Variants in CDH18 observed in about 807,000 individuals in gnomAD.
The protein encoded by CDH18 is cadherin-18.
A neutral mutation model predicts 67.9 loss-of-function variants in CDH18; 31 were observed. The ratio of observed to expected loss-of-function variants is 0.46; its 90% CI spans 0.34 to 0.62. The LOEUF (loss-of-function observed/expected upper bound fraction) is 0.62. Among genes scored for constraint, CDH18 ranks in the 20% least tolerant of loss-of-function variants. The pLI is 0.01. For missense variants in CDH18, 890 were observed against 975.5 expected (o/e 0.91, Z 1.17); for synonymous variants, 362 against 347.2 (o/e 1.04, Z -0.48).
chr5:20,242,620 A>ACATATATATATACATG (rs1554106663), intron 2 of CDH18, among the ~76,000 whole-genome samples: 2 of 68,878 alleles, frequency 2.9e-5, no homozygotes, highest in African/African-American at 1.3e-4. Context: ...AAATATATAT[A>ACATATATATATACATG]TATATATATA....
intron 2 of CDH18, among the ~76,000 whole-genome samples, chr5:20,168,742 G>A (rs536343557): frequency 6.6e-6 from 1 of 152,080 alleles, no homozygotes; most frequent in Non-Finnish European, 1.5e-5. Context: ...AGCAACCTAA[G>A]TGTCCATCAA....
chr5:20,169,943 A>C (rs1736566389), intron 2 of CDH18, among the ~76,000 whole-genome samples: 1 of 152,082 alleles, frequency 6.6e-6, no homozygotes, highest in Non-Finnish European at 1.5e-5. Flanking sequence ...CTTCAATTTC[A>C]GTATTAAACA....
chr5:20,549,701 A>G (rs1757530293), intron 1 of CDH18, among the ~76,000 whole-genome samples: 1 of 152,148 alleles, frequency 6.6e-6, no homozygotes, highest in Non-Finnish European at 1.5e-5. Flanking sequence ...TCAATTAGAC[A>G]TGAAATGTAC....
intron 1 of CDH18, among the ~76,000 whole-genome samples, chr5:20,488,106 T>C (rs1753321847): frequency 6.6e-6 from 1 of 152,170 alleles, no homozygotes; most frequent in Non-Finnish European, 1.5e-5. Context: ...AAGATTCTTT[T>C]TATCCTTTTC....
intron 2 of CDH18, among the ~76,000 whole-genome samples, chr5:20,228,867 C>CACTGAAT (rs1461270536): frequency 6.6e-6 from 1 of 152,050 alleles, no homozygotes; most frequent in African/African-American, 2.4e-5. Flanking sequence ...GAATGCTATT[C>CACTGAAT]AGTGAATATC....
intron 2 of CDH18, among the ~76,000 whole-genome samples, chr5:20,078,808 G>C (rs1351937169): frequency 6.6e-6 from 1 of 152,046 alleles, no homozygotes; most frequent in African/African-American, 2.4e-5. Context: ...CAGAGACAGG[G>C]TCTCGCCACG....
chr5:20,539,002 C>T (rs776911340), intron 1 of CDH18, among the ~76,000 whole-genome samples: 1 of 144,446 alleles, frequency 6.9e-6, no homozygotes, highest in Non-Finnish European at 1.5e-5. Context: ...AATTCTCTTG[C>T]GTCATACTCC....
chr5:19,672,634 T>C (rs959191475), intron 5 of CDH18, among the ~76,000 whole-genome samples: 1 of 152,016 alleles, frequency 6.6e-6, no homozygotes, highest in African/African-American at 2.4e-5. Flanking sequence ...ATTAATATCC[T>C]AACAGCTTTT....
intron 1 of CDH18, among the ~76,000 whole-genome samples, chr5:20,486,841 AGG>A (rs141650522): frequency 0.038 from 5,721 of 152,140 alleles, 109 homozygotes; most frequent in Admixed American, 0.044. Context: ...TTTGTAGCTA[AGG>A]GGCTGGAAAA....
At position 19,810,702 on chromosome 5, in the gene CDH18, G is replaced by T. The variant is rs150641837; in HGVS notation, c.228+28057C>A. On this transcript the variant is annotated intron_variant, in intron 3 of 12. Coordinates refer to ENST00000382275, the MANE Select transcript of CDH18 (RefSeq NM_004934.5). Reference sequence around the variant, plus strand: ...AATTAAAAAGTACTGATATTAGATTGCCTTGGGCTCAATAGTGCATATGAA... The same window carrying T: ...AATTAAAAAGTACTGATATTAGATTTCCTTGGGCTCAATAGTGCATATGAA... 9.9e-5 allele frequency among the ~76,000 whole-genome samples: 15 copies of T among 152,058 alleles called. No individual in the cohort carries two copies. In the East Asian group the frequency reaches 1.9e-3, roughly 20 times the overall value.
chr5:19,494,703 T>TG (rs1275578921), intron 11 of CDH18, among the ~76,000 whole-genome samples: 2 of 152,180 alleles, frequency 1.3e-5, no homozygotes, highest in Non-Finnish European at 2.9e-5. Context: ...CTAAGAAAGG[T>TG]GTTTTGAGCT....
At position 20,282,409 on chromosome 5, in the gene CDH18, A is replaced by T. The variant is rs571309858; in HGVS notation, c.-579-26904T>A. Among the ~76,000 whole-genome samples the T allele has an allele frequency of 3.3e-5, 5 of 152,124 alleles. No individual in the cohort carries two copies. In the South Asian group the frequency reaches 1.0e-3, roughly 32 times the overall value. ...TAACATCAATACCTAATTTCTTGAG[A>T]GTTTTTAGCATGAAGGGCTGTTTAA... On this transcript the variant is annotated intron_variant, in intron 1 of 14. Coordinates refer to the CDH18 transcript ENST00000507958.
At chr5:20,225,240 T>C (rs1359589632) in intron 2 of CDH18, among the ~76,000 whole-genome samples, 4 of 152,154 alleles carry the variant, frequency 2.6e-5, no homozygotes, top group African/African-American at 9.7e-5. Flanking sequence ...CTGTGACATA[T>C]TGTTTCTCTC....
In CDH18 at chr5:19,777,933, A is replaced by C. The variant is rs549154307; in HGVS notation, c.229-30697T>G. On this transcript the variant is annotated intron_variant, in intron 3 of 12. Coordinates refer to ENST00000382275, the MANE Select transcript of CDH18 (RefSeq NM_004934.5). ...GATCATTAAATTTCTATAAGTAGTA[A>C]AAAGGCAATAAGAGAATAATATGAA... 1.1e-4 allele frequency among the ~76,000 whole-genome samples: 16 copies of C among 152,310 alleles called. No homozygotes were observed. In the South Asian group the frequency reaches 3.1e-3, roughly 30 times the overall value.
rs138586988 is a variant in CDH18 at position 20,049,215 on chromosome 5, C to T, written c.-517-57201G>A. Among the ~76,000 whole-genome samples, 203 of 151,484 alleles carry T rather than the reference C, an allele frequency of 1.3e-3. 1 individual carries two copies. The highest frequency in any genetic ancestry group is 4.7e-3 in the African/African-American group (195 of 41,402). On this transcript the variant is annotated intron_variant, in intron 2 of 14. Coordinates refer to the CDH18 transcript ENST00000507958. ...CACAGAAAGGGACATTCTAGAAGAGCGTACTGGAACTCAGGAAGTCAGGCA... is the reference window on the plus strand; with the variant it reads ...CACAGAAAGGGACATTCTAGAAGAGTGTACTGGAACTCAGGAAGTCAGGCA...
chr5:20,183,599 T>C (rs556038247), intron 2 of CDH18, among the ~76,000 whole-genome samples: 13 of 152,248 alleles, frequency 8.5e-5, no homozygotes, highest in African/African-American at 1.4e-4. Context: ...TGCACCATCA[T>C]CTACCATAAG....
intron 2 of CDH18, among the ~76,000 whole-genome samples, chr5:19,967,057 T>A (rs2150322478): frequency 6.6e-6 from 1 of 151,916 alleles, no homozygotes; most frequent in Admixed American, 6.6e-5. Context: ...AATGTCATAT[T>A]TATTCTGAAG....
intron 2 of CDH18, among the ~76,000 whole-genome samples, chr5:20,242,201 T>C (rs1446637955): frequency 6.6e-6 from 1 of 152,066 alleles, no homozygotes; most frequent in African/African-American, 2.4e-5. Flanking sequence ...GGTACAATCA[T>C]ATTTTGATAT....
chr5:20,065,129 T>A (rs895812163), intron 2 of CDH18, among the ~76,000 whole-genome samples: 3 of 152,096 alleles, frequency 2.0e-5, no homozygotes, highest in Middle Eastern at 3.4e-3. Context: ...ATATATTTTT[T>A]AAATTCTTGA....
Sources: gnomAD v4.1 joint callset for allele counts (sites outside exome capture counted in the v4.1 genomes callset) on GRCh38, gnomAD v4.1.1 for gene constraint, MANE v1.5 for transcripts, NCBI Gene and HGNC (gene_info 2026-07-23, HGNC 2026-07-21) for gene names.